The following COL22A1 variants were observed in gnomAD, a reference collection of about 807,000 sequenced individuals.
The protein encoded by COL22A1 is collagen type XXII alpha 1 chain, also known as collagen alpha-1(XXII) chain.
Under a neutral mutation model 248.9 loss-of-function variants are expected in COL22A1, and 221 were observed. That is an observed-to-expected ratio of 0.89 (90% confidence interval 0.80 to 0.99). The LOEUF (loss-of-function observed/expected upper bound fraction) is 0.99, where lower values mean the gene tolerates loss of function less well. Among genes scored for constraint, COL22A1 ranks in the 50% least tolerant of loss-of-function variants. The pLI, the probability that COL22A1 is intolerant of heterozygous loss-of-function variation, is 0.00. For missense variants in COL22A1, 2,240 were observed against 2,179.0 expected, an observed-to-expected ratio of 1.03 and a Z score of -0.56; for synonymous variants, 891 against 793.4, an observed-to-expected ratio of 1.12 and a Z score of -2.07.
intron 30 of COL22A1, among the ~76,000 whole-genome samples, chr8:138,712,399 T>A (rs1829046562): frequency 6.6e-6 from 1 of 152,112 alleles, no homozygotes; most frequent in African/African-American, 2.4e-5. Context: ...GAAAAGCAAG[T>A]GCCTGGTACA....
intron 41 of COL22A1, among the ~76,000 whole-genome samples, chr8:138,664,159 G>T: frequency 6.8e-6 from 1 of 147,508 alleles, no homozygotes; most frequent in African/African-American, 2.5e-5. Flanking sequence ...AGTGTCTGAG[G>T]CTGCAGTAGT....
chr8:138,838,354 G>C (rs1259372343), intron 4 of COL22A1, among the ~76,000 whole-genome samples: 1 of 152,064 alleles, frequency 6.6e-6, no homozygotes, highest in African/African-American at 2.4e-5. Context: ...GGGGGAGTGA[G>C]GAGAGCCTAA....
At chr8:138,611,949 T>C (rs1478007979) in intron 56 of COL22A1, among the ~76,000 whole-genome samples, 4 of 152,250 alleles carry the variant, frequency 2.6e-5, no homozygotes, top group Non-Finnish European at 2.9e-5. Flanking sequence ...CTGCATGACC[T>C]AGACTTGGGA....
intron 17 of COL22A1, among the ~76,000 whole-genome samples, chr8:138,761,227 C>G (rs555151924): frequency 6.6e-5 from 10 of 152,262 alleles, no homozygotes; most frequent in African/African-American, 2.2e-4. Context: ...ATTCCTTTCC[C>G]TCTTTGCCAT....
chr8:138,788,613 C>G (rs1815751828), intron 12 of COL22A1, among the ~76,000 whole-genome samples: 1 of 152,092 alleles, frequency 6.6e-6, no homozygotes, highest in Admixed American at 6.5e-5. Flanking sequence ...TCTAGGCTTC[C>G]TGAGGTTTTA....
rs1159716035 is a variant in COL22A1, at chr8:138,755,206, G to T, written c.1982C>A (p.Ala661Asp). 1 of 1,614,038 alleles carries T rather than the reference G, an allele frequency of 6.2e-7. No individual in the cohort carries two copies. The highest frequency in any genetic ancestry group is 1.1e-5 in the South Asian group (1 of 91,058). The change falls in exon 21 of 65, where the codon GCT (alanine) becomes GAT (aspartate). Residue 661 changes from alanine to aspartate, a missense_variant. Coordinates refer to ENST00000303045, the MANE Select transcript of COL22A1 (RefSeq NM_152888.3). ...QQEGLKGEQG[A>D]PGPRGHQGAP... ...GCCTTGGTGACCTCTGGGTCCTGGA[G>T]CTCCCTGGTAACACAAGCCAAACAG...
chr8:138,597,347 TC>T (rs1469645482), intron 61 of COL22A1, among the ~76,000 whole-genome samples: 2 of 152,176 alleles, frequency 1.3e-5, no homozygotes, highest in Non-Finnish European at 2.9e-5. Context: ...CAAAGTTGTG[TC>T]CACCTTTTGG....
At position 138,883,107 on chromosome 8, in the gene COL22A1, GC is replaced by G; in HGVS notation, c.65del (p.Gly22AlafsTer207). 3 of 1,592,436 alleles carry G rather than the reference GC, an allele frequency of 1.9e-6. No homozygotes were observed. The highest frequency in any genetic ancestry group is 8.5e-7 in the Non-Finnish European group (1 of 1,170,960). On this transcript the variant is annotated frameshift_variant, in exon 2 of 65. Coordinates refer to ENST00000303045, the MANE Select transcript of COL22A1 (RefSeq NM_152888.3). LOFTEE classifies it high-confidence loss of function. ...LLWMLLLWSG[G>X]GGCQAQRAGC... ...CTGCCCGCTGAGCCTGGCAGCCGCC[GC>G]CCCCACTCCACAGCAGCAGCATCCA...
intron 44 of COL22A1, 72 bp from the exon 45 acceptor site, chr8:138,656,016 G>A: frequency 7.9e-7 from 1 of 1,272,274 alleles, no homozygotes; most frequent in East Asian, 2.3e-5. Flanking sequence ...TCTTCAGAAA[G>A]CAAAAGGACT....
chr8:138,606,715 G>C (rs774474057), intron 57 of COL22A1, among the ~76,000 whole-genome samples: 5 of 152,140 alleles, frequency 3.3e-5, no homozygotes, highest in East Asian at 3.9e-4. Context: ...AACAAACTGA[G>C]ACAGATATTT....
intron 45 of COL22A1, among the ~76,000 whole-genome samples, chr8:138,650,694 A>T (rs200735669): frequency 1.4e-4 from 2 of 14,764 alleles, no homozygotes; most frequent in South Asian, 2.9e-3. Flanking sequence ...AGATAGATAG[A>T]TAGATAGATA....
intron 63 of COL22A1, among the ~76,000 whole-genome samples, chr8:138,593,577 T>G (rs756444121): frequency 6.6e-6 from 1 of 152,178 alleles, no homozygotes; most frequent in Non-Finnish European, 1.5e-5. Context: ...AGAGACCTTC[T>G]GTTGGCTGGA....
intron 7 of COL22A1, among the ~76,000 whole-genome samples, chr8:138,815,289 G>A (rs963961643): frequency 4.6e-5 from 7 of 152,168 alleles, no homozygotes; most frequent in African/African-American, 7.2e-5. Flanking sequence ...ATAATTAGAC[G>A]TCTGTATGTC....
At position 138,601,853 on chromosome 8, in the gene COL22A1, T is replaced by A. The variant is rs1174079692; in HGVS notation, c.4185+262A>T. On this transcript the variant is annotated intron_variant, in intron 60 of 64. Transcript: ENST00000303045. The stretch of plus-strand genomic sequence containing the variant: ...GCCTTTGAATCTCTAATTGTGATGA[T>A]TTTAGTCCTTAAAATGATAACCAAA... Among the ~76,000 whole-genome samples the A allele has an allele frequency of 2.0e-5, 3 of 152,158 alleles. 1 individual carries two copies. The highest frequency in any genetic ancestry group is 7.2e-5 in the African/African-American group (3 of 41,440).
At chr8:138,676,691 G>A in intron 40 of COL22A1, 56 bp from the exon 41 acceptor site, 1 of 1,273,274 alleles carries the variant, frequency 7.9e-7, no homozygotes, top group Non-Finnish European at 1.1e-6. Flanking sequence ...GAGAGGGCTA[G>A]GGTACAAAAT....
chr8:138,810,109 G>A (rs976795208), intron 9 of COL22A1, among the ~76,000 whole-genome samples: 2 of 152,192 alleles, frequency 1.3e-5, no homozygotes, highest in African/African-American at 4.8e-5. Flanking sequence ...TTGAATGGAT[G>A]GATGGAGAAT....
chr8:138,787,300 A>G (rs1815618740), intron 12 of COL22A1, among the ~76,000 whole-genome samples: 1 of 152,162 alleles, frequency 6.6e-6, no homozygotes, highest in Non-Finnish European at 1.5e-5. Context: ...GCAGGAAGTA[A>G]GCAAAGAAGA....
intron 2 of COL22A1, among the ~76,000 whole-genome samples, chr8:138,879,690 C>CAAAAAAAAAAAAAAAAA (rs372214665): frequency 2.0e-5 from 2 of 99,042 alleles, no homozygotes; most frequent in African/African-American, 8.9e-5. Flanking sequence ...GACACTCTCT[C>CAAAAAAAAAAAAAAAAA]AAAAAAAAAA....
chr8:138,674,849 A>G (rs559138687), intron 41 of COL22A1, among the ~76,000 whole-genome samples: 15 of 152,308 alleles, frequency 9.8e-5, no homozygotes, highest in Non-Finnish European at 2.1e-4. Flanking sequence ...GCCCTATTAA[A>G]GGAGAATTTC....
Sources: gnomAD v4.1 joint callset for allele counts (sites outside exome capture counted in the v4.1 genomes callset) on GRCh38, gnomAD v4.1.1 for gene constraint, MANE v1.5 for transcripts, NCBI Gene and HGNC (gene_info 2026-07-23, HGNC 2026-07-21) for gene names.